SRGAP3: variants seen among roughly 807,000 people sequenced by gnomAD.
SRGAP3 encodes SLIT-ROBO Rho GTPase activating protein 3.
A neutral mutation model predicts 121.1 loss-of-function variants in SRGAP3; 39 were observed. The ratio of observed to expected loss-of-function variants is 0.32; its 90% confidence interval spans 0.25 to 0.42. The LOEUF (loss-of-function observed/expected upper bound fraction) is 0.42, where lower values mean the gene tolerates loss of function less well. Among genes scored for constraint, SRGAP3 ranks in the 10% least tolerant of loss-of-function variants. The pLI, the probability that SRGAP3 is intolerant of heterozygous loss-of-function variation, is 1.00. For missense variants in SRGAP3, 1,213 were observed against 1,470.6 expected (o/e 0.82, Z 2.86); for synonymous variants, 601 against 570.0 (o/e 1.05, Z -0.77).
chr3:9,214,596 G>A (rs1207945617), intron 1 of SRGAP3, among the ~76,000 whole-genome samples: 7 of 152,180 alleles, frequency 4.6e-5, no homozygotes, highest in Non-Finnish European at 8.8e-5. Flanking sequence ...AGGAAGCTAT[G>A]AAACCATTTT....
At chr3:8,994,818 A>G (rs764967653) in intron 18 of SRGAP3, among the ~76,000 whole-genome samples, 2 of 152,192 alleles carry the variant, frequency 1.3e-5, no homozygotes, top group Admixed American at 6.5e-5. Context: ...CATTAAGACA[A>G]TATTGTAGAA....
At chr3:9,356,241 G>C (rs541925048) in intron 1 of SRGAP3, among the ~76,000 whole-genome samples, 4 of 146,460 alleles carry the variant, frequency 2.7e-5, no homozygotes, top group Admixed American at 2.0e-4. Context: ...ACCCAGGCTG[G>C]AATACCATGG....
intron 4 of SRGAP3, among the ~76,000 whole-genome samples, chr3:9,073,329 G>C (rs1200526801): frequency 6.6e-6 from 1 of 152,130 alleles, no homozygotes; most frequent in African/African-American, 2.4e-5. Context: ...ATTTTTTGTA[G>C]AGAGAGGGTT....
At position 8,992,950 on chromosome 3, in the gene SRGAP3, G is replaced by C. The variant is rs750191179; in HGVS notation, c.2514C>G (p.Pro838=). The part of the protein sequence containing the change: ...KASSKNDLQS[P]TEHISDYGFG... Reference sequence around the variant, plus strand: ...AGCCGTAATCCGAGATGTGCTCCGTGGGGGACTGGAGGTCGTTTTTGGAAG... The same window carrying C: ...AGCCGTAATCCGAGATGTGCTCCGTCGGGGACTGGAGGTCGTTTTTGGAAG... The change falls in exon 20 of 22, where the codon CCC becomes CCG. Residue 838 remains proline (P), a synonymous_variant. Transcript: ENST00000383836. The C allele has an allele frequency of 6.2e-7, 1 of 1,614,226 alleles. No individual in the cohort carries two copies. Among genetic ancestry groups the C allele is most frequent in the African/African-American group, 1.3e-5 (1 of 75,052 alleles).
At position 9,129,767 on chromosome 3, in the gene SRGAP3, C is replaced by CT. The variant is rs112562712; in HGVS notation, c.68-4851dup. Among the ~76,000 whole-genome samples, 211 of 145,634 alleles carry CT rather than the reference C, an allele frequency of 1.4e-3. 1 individual carries two copies. Among genetic ancestry groups the CT allele is most frequent in the Middle Eastern group, 7.2e-3 (2 of 276 alleles). Reference sequence around the variant, plus strand: ...ATCTGTATAGCAAATTACTATTTCCCTTTTTTTTTTTTGAGACAGAGTCTT... The same window carrying CT: ...ATCTGTATAGCAAATTACTATTTCCCTTTTTTTTTTTTTGAGACAGAGTCTT... On this transcript the variant is annotated intron_variant, in intron 1 of 21. Transcript: ENST00000383836.
intron 3 of SRGAP3, among the ~76,000 whole-genome samples, chr3:9,101,228 TG>T (rs1322291545): frequency 3.9e-5 from 6 of 152,222 alleles, no homozygotes; most frequent in African/African-American, 1.4e-4. Flanking sequence ...ATAAAAGGGC[TG>T]GAAAAGAGAG....
At chr3:9,019,668 A>G (rs11707530) in intron 14 of SRGAP3, among the ~76,000 whole-genome samples, 3,660 of 152,328 alleles carry the variant, frequency 0.024, 172 homozygotes, top group Admixed American at 0.12. Context: ...AATACATGTC[A>G]CTGCCAGAGC....
chr3:9,156,005 T>TG (rs1286906898), intron 1 of SRGAP3, among the ~76,000 whole-genome samples: 1 of 152,094 alleles, frequency 6.6e-6, no homozygotes, highest in South Asian at 2.1e-4. Flanking sequence ...TTAGTAGAGA[T>TG]GGGGTTTCAC....
intron 3 of SRGAP3, among the ~76,000 whole-genome samples, chr3:9,094,402 C>G (rs1443103491): frequency 6.6e-6 from 1 of 152,184 alleles, no homozygotes; most frequent in Non-Finnish European, 1.5e-5. Flanking sequence ...TTCTCTGTTT[C>G]TCTATTAGAA....
chr3:8,998,587 A>G (rs115917446), intron 18 of SRGAP3, among the ~76,000 whole-genome samples: 2,843 of 152,140 alleles, frequency 0.019, 94 homozygotes, highest in African/African-American at 0.065. Flanking sequence ...ACACATATAC[A>G]TACACATATG....
intron 1 of SRGAP3, among the ~76,000 whole-genome samples, chr3:9,343,658 T>C (rs6443235): frequency 0.062 from 9,480 of 152,230 alleles, 1,050 homozygotes; most frequent in African/African-American, 0.22. Context: ...ATATTATGCA[T>C]ACTCTTATAT....
chr3:9,140,771 T>C lies in SRGAP3; in HGVS notation c.68-15854A>G, dbSNP rs577522666. The stretch of plus-strand genomic sequence containing the variant: ...GCCAACTCCTCTACTAAGTAATCAC[T>C]GTGTTTTTCTATATTTTCCAAATAC... On this transcript the variant is annotated intron_variant, in intron 1 of 21. Transcript: ENST00000383836. 2.0e-5 allele frequency among the ~76,000 whole-genome samples: 3 copies of C among 152,392 alleles called. No homozygotes were observed. In the South Asian group the frequency reaches 6.2e-4, roughly 32 times the overall value.
intron 3 of SRGAP3, among the ~76,000 whole-genome samples, chr3:9,089,875 G>T (rs1575058968): frequency 1.3e-5 from 2 of 152,160 alleles, no homozygotes; most frequent in East Asian, 3.9e-4. Context: ...ATCTTCTTTG[G>T]GACGTTTCTC....
At chr3:9,020,253 G>T (rs1943849219) in intron 14 of SRGAP3, among the ~76,000 whole-genome samples, 1 of 151,996 alleles carries the variant, frequency 6.6e-6, no homozygotes, top group Non-Finnish European at 1.5e-5. Flanking sequence ...TATGTAGGTA[G>T]GTATATATTT....
At chr3:9,351,473 A>C (rs916735698) in intron 1 of SRGAP3, among the ~76,000 whole-genome samples, 4 of 152,068 alleles carry the variant, frequency 2.6e-5, no homozygotes, top group Non-Finnish European at 4.4e-5. Flanking sequence ...AGCATCCTTC[A>C]ATAAGGGATC....
intron 1 of SRGAP3, among the ~76,000 whole-genome samples, chr3:9,216,229 T>A (rs1952618154): frequency 6.6e-6 from 1 of 152,174 alleles, no homozygotes; most frequent in Non-Finnish European, 1.5e-5. Context: ...CAGACCCTTC[T>A]AGAACACTCA....
At chr3:9,066,959 G>A (rs1179192389) in intron 4 of SRGAP3, among the ~76,000 whole-genome samples, 1 of 152,184 alleles carries the variant, frequency 6.6e-6, no homozygotes, top group Non-Finnish European at 1.5e-5. Flanking sequence ...CTCCTTAGCT[G>A]TGTGACCTTG....
chr3:9,285,768 C>CAAAAAAAAAA (rs35774144), intron 3 of SRGAP3, among the ~76,000 whole-genome samples: 1 of 129,366 alleles, frequency 7.7e-6, no homozygotes, highest in Non-Finnish European at 1.7e-5. Context: ...CGCCCCACCT[C>CAAAAAAAAAA]AAAAAAAAAA....
At chr3:9,203,267 G>A (rs1952130752) in intron 1 of SRGAP3, among the ~76,000 whole-genome samples, 1 of 152,152 alleles carries the variant, frequency 6.6e-6, no homozygotes, top group East Asian at 1.9e-4. Flanking sequence ...CCAAGCTCAG[G>A]AGAATCACCC....
Sources: allele counts gnomAD v4.1 joint callset (sites outside exome capture counted in the v4.1 genomes callset), GRCh38; gene constraint gnomAD v4.1.1; transcripts MANE v1.5; gene names NCBI Gene and HGNC (gene_info 2026-07-23, HGNC 2026-07-21).